Variants in MRPL33 observed in about 807,000 individuals in gnomAD.
The protein encoded by MRPL33 is large ribosomal subunit protein bL33m.
Under a neutral mutation model 10.1 loss-of-function variants are expected in MRPL33, and 5 were observed. That is an observed-to-expected ratio of 0.49 (90% CI 0.26 to 1.04). The LOEUF is 1.04. Ranked by LOEUF, MRPL33 falls within the 50% of genes least tolerant of loss-of-function variation. The pLI is 0.14. For synonymous variants in MRPL33, 24 were observed against 27.7 expected (o/e 0.87, Z 0.42); for missense variants, 79 against 78.1 (o/e 1.01, Z -0.04).
rs777780984 is a variant in MRPL33 at position 27,779,438 on chromosome 2, CAA to C, written c.156_157del (p.Arg53SerfsTer38). ...TLLHYDPVVK[Q>X]RVLFVEKKKI... ...TTTTTTTTCTCCCTCCATAGTGAAA[CAA>C]AGAGTCCTCTTCGTGGAAAAGAAAA... On this transcript the variant is annotated frameshift_variant, in exon 4 of 4. Coordinates refer to ENST00000296102, the MANE Select transcript of MRPL33 (RefSeq NM_004891.4). LOFTEE classifies it high-confidence loss of function. 21 of 1,598,790 alleles carry C rather than the reference CAA, an allele frequency of 1.3e-5. No individual in the cohort carries two copies. Among genetic ancestry groups the C allele is most frequent in the Non-Finnish European group, 1.5e-5 (18 of 1,176,070 alleles).
chr2:27,775,659 C>T (rs1283505959), intron 3 of MRPL33, among the ~76,000 whole-genome samples: 1 of 152,122 alleles, frequency 6.6e-6, no homozygotes, highest in Non-Finnish European at 1.5e-5. Context: ...GCCATTGCTT[C>T]TTAACAAGAT....
In MRPL33 at chr2:27,779,465, A is replaced by G; in HGVS notation, c.181A>G (p.Lys61Glu). ...KQRVLFVEKKKIRSL is the reference protein window; with the variant it reads ...KQRVLFVEKKEIRSL ...AAGAGTCCTCTTCGTGGAAAAGAAA[A>G]AAATACGCTCCCTTTAAACGGTGGA... Residue 61 changes from lysine to glutamate, a missense_variant, in exon 4 of 4, where the codon AAA becomes GAA. Transcript: ENST00000296102. 1 of 1,611,872 alleles carries G rather than the reference A, an allele frequency of 6.2e-7. No homozygotes were observed. The highest frequency in any genetic ancestry group is 1.7e-5 in the Admixed American group (1 of 59,496).
intron 2 of MRPL33, among the ~76,000 whole-genome samples, chr2:27,773,598 A>G (rs558134832): frequency 6.6e-6 from 1 of 152,378 alleles, no homozygotes; most frequent in South Asian, 2.1e-4. Context: ...CCTAGAGGAC[A>G]TAGACATAGA....
At chr2:27,778,144 T>A (rs1573025369) in intron 3 of MRPL33, among the ~76,000 whole-genome samples, 1 of 152,192 alleles carries the variant, frequency 6.6e-6, no homozygotes, top group Non-Finnish European at 1.5e-5. Flanking sequence ...TGAGTAGTTT[T>A]AAAAAATGTA....
rs1220881695 is a variant in MRPL33, at chr2:27,771,784, C to T, written c.7C>T (p.Leu3Phe). 1.2e-6 allele frequency: 2 copies of T among 1,613,966 alleles called. No individual in the cohort carries two copies. The highest frequency in any genetic ancestry group is 1.7e-6 in the Non-Finnish European group (2 of 1,179,938). The change falls in exon 1 of 4, where the codon CTC (leucine) becomes TTC (phenylalanine). Residue 3 changes from leucine (L) to phenylalanine (F), a missense_variant. Coordinates refer to ENST00000296102, the MANE Select transcript of MRPL33 (RefSeq NM_004891.4). ...CTGCCCAGGTGTGGTCACCATGTTC[C>T]TCTCCGCGGTCTTCTGTAAGTGGGG... is the stretch of plus-strand genomic sequence containing the variant. MF[L>F]SAVFFAKSKS...
At chr2:27,777,219 G>GTGT (rs1677194721) in intron 3 of MRPL33, among the ~76,000 whole-genome samples, 1 of 151,964 alleles carries the variant, frequency 6.6e-6, no homozygotes, top group African/African-American at 2.4e-5. Context: ...TTTTTGTACA[G>GTGT]TGTCTTCTGT....
chr2:27,774,550 A>G lies in MRPL33; in HGVS notation c.148+20A>G, dbSNP rs1229965734. 1 of 1,602,364 alleles carries G rather than the reference A, an allele frequency of 6.2e-7. No individual in the cohort carries two copies. Among genetic ancestry groups the G allele is most frequent in the Non-Finnish European group, 8.6e-7 (1 of 1,169,466 alleles). The stretch of plus-strand genomic sequence containing the variant: ...CAGTTGGTAAGATCTGGGGAGGTTA[A>G]TGCTTCCAAGGCCTGTTGCCCCCTT... On this transcript the variant is annotated intron_variant, in intron 3 of 3. Transcript: ENST00000296102.
chr2:27,771,853 G>A, intron 1 of MRPL33, 54 bp downstream of exon 1: 2 of 1,568,372 alleles, frequency 1.3e-6, no homozygotes, highest in Non-Finnish European at 8.8e-7. Flanking sequence ...AGGGGGCCGT[G>A]ACAGGCAGGG....
rs1677240549 is a variant in MRPL33 at position 27,779,659 on chromosome 2, G to A, written c.*177G>A. On this transcript the variant is annotated 3_prime_UTR_variant, in exon 4 of 4. Coordinates refer to ENST00000296102, the MANE Select transcript of MRPL33 (RefSeq NM_004891.4). ...CAGTGAAAGAAAGTTCTTCATATTA[G>A]GACAGATATCATTGCATCACATTTA... The A allele has an allele frequency of 4.1e-6, 5 of 1,225,924 alleles. No individual in the cohort carries two copies. The highest frequency in any genetic ancestry group is 1.7e-5 in the South Asian group (1 of 58,906). 75.9% of individuals were successfully genotyped at this position (1,225,924 alleles called of 1,614,324 possible).
intron 3 of MRPL33, among the ~76,000 whole-genome samples, chr2:27,777,143 G>A (rs547655035): frequency 6.6e-6 from 1 of 152,334 alleles, no homozygotes; most frequent in African/African-American, 2.4e-5. Context: ...GCTGCCCAGA[G>A]TGTTGGGATT....
chr2:27,771,951 G>T, intron 1 of MRPL33, 152 bp downstream of exon 1: 2 of 814,910 alleles, frequency 2.5e-6, no homozygotes, highest in Non-Finnish European at 3.8e-6. Flanking sequence ...ACAGCGTCCG[G>T]CATGCCCCGC....
In MRPL33 at chr2:27,779,456, G is replaced by T; in HGVS notation, c.172G>T (p.Glu58Ter). The change falls in exon 4 of 4, where the codon GAA becomes TAA. Residue 58 changes from glutamate (E) to a stop codon, truncating the protein, a stop_gained. Coordinates refer to ENST00000296102, the MANE Select transcript of MRPL33 (RefSeq NM_004891.4). LOFTEE classifies it high-confidence loss of function. ...PVVKQRVLFV[E>*]KKKIRSL is the part of the protein sequence containing the mutation. ...AGTGAAACAAAGAGTCCTCTTCGTG[G>T]AAAAGAAAAAAATACGCTCCCTTTA... The T allele has an allele frequency of 6.2e-7, 1 of 1,608,994 alleles. No individual in the cohort carries two copies. The highest frequency in any genetic ancestry group is 8.5e-7 in the Non-Finnish European group (1 of 1,178,660).
At position 27,774,443 on chromosome 2, in the gene MRPL33, G is replaced by T. The variant is rs762354604; in HGVS notation, c.61G>T (p.Val21Leu). ...SKSKNILVRM[V>L]SEAGTGFCFN... ...TCTTAGAAACATTCTGGTGAGAATG[G>T]TGAGCGAAGCTGGGACAGGTTTCTG... Residue 21 changes from valine (V) to leucine (L), a missense_variant, in exon 3 of 4, where the codon GTG becomes TTG. Coordinates refer to ENST00000296102, the MANE Select transcript of MRPL33 (RefSeq NM_004891.4). 5.6e-6 allele frequency: 9 copies of T among 1,613,902 alleles called. No homozygotes were observed. In the South Asian group the frequency reaches 9.9e-5, roughly 18 times the overall value.
intron 3 of MRPL33, among the ~76,000 whole-genome samples, chr2:27,777,668 C>T (rs1251348750): frequency 1.3e-5 from 2 of 152,180 alleles, no homozygotes; most frequent in Non-Finnish European, 2.9e-5. Flanking sequence ...TTTGTAAACT[C>T]TACATTGCCT....
At chr2:27,771,970 T>A in intron 1 of MRPL33, 171 bp downstream of exon 1, 1 of 700,474 alleles carries the variant, frequency 1.4e-6, no homozygotes, top group Non-Finnish European at 2.3e-6. Flanking sequence ...GCGGCGCGCC[T>A]CCCTGCGCGG....
At chr2:27,777,371 CTTTTTTTTT>C (rs11337446) in intron 3 of MRPL33, among the ~76,000 whole-genome samples, 1 of 125,610 alleles carries the variant, frequency 8.0e-6, no homozygotes, top group African/African-American at 3.0e-5. Context: ...TAATCTAAAA[CTTTTTTTTT>C]TTTTTTTTTT....
intron 1 of MRPL33, chr2:27,772,359 C>A: frequency 3.2e-6 from 1 of 307,918 alleles, no homozygotes; most frequent in South Asian, 6.1e-5. Flanking sequence ...AATACTTGCA[C>A]CTTAGAAGAG....
chr2:27,772,609 G>A, intron 1 of MRPL33, 65 bp from the exon 2 acceptor site: 1 of 1,290,196 alleles, frequency 7.8e-7, no homozygotes, highest in Non-Finnish European at 1.1e-6. Flanking sequence ...TATGAACTTT[G>A]CATAAGAAAG....
intron 3 of MRPL33, among the ~76,000 whole-genome samples, chr2:27,776,282 T>TGGCTTTCTGCCC (rs1306538895): frequency 1.3e-5 from 2 of 152,272 alleles, no homozygotes. Context: ...GCAGACTGCC[T>TGGCTTTCTGCCC]GGCTTTCTGC....
Sources: allele counts gnomAD v4.1 joint callset (sites outside exome capture counted in the v4.1 genomes callset), GRCh38; gene constraint gnomAD v4.1.1; transcripts MANE v1.5; gene names NCBI Gene and HGNC (gene_info 2026-07-23, HGNC 2026-07-21).